The following TUSC3 variants were observed in gnomAD, a reference collection of about 807,000 sequenced individuals.
TUSC3 encodes the protein tumor suppressor candidate 3, also known as dolichyl-diphosphooligosaccharide--protein glycosyltransferase subunit TUSC3.
In TUSC3, 45 loss-of-function variants were observed where a neutral mutation model predicts 44.8. The observed-to-expected ratio is 1.00, with a 90% confidence interval of 0.79 to 1.29. The LOEUF is 1.29. Among genes scored for constraint, TUSC3 ranks in the 50% most tolerant of loss-of-function variants. The pLI, the probability that TUSC3 is intolerant of heterozygous loss-of-function variation, is 0.00. For missense variants in TUSC3, 519 were observed against 437.9 expected (o/e 1.19, Z -1.65); for synonymous variants, 212 against 152.9 (o/e 1.39, Z -2.85).
intron 1 of TUSC3, among the ~76,000 whole-genome samples, chr8:15,448,564 G>T (rs1800142973): frequency 6.6e-6 from 1 of 152,166 alleles, no homozygotes; most frequent in Admixed American, 6.5e-5. Flanking sequence ...GATGTAAAAA[G>T]TGTATGATGT....
At chr8:15,467,424 T>C (rs1193768067) in intron 1 of TUSC3, among the ~76,000 whole-genome samples, 3 of 152,178 alleles carry the variant, frequency 2.0e-5, no homozygotes, top group Admixed American at 2.0e-4. Context: ...ACAGAATCAA[T>C]TGCAGTAAAT....
At chr8:15,586,668 A>G (rs1400204949) in intron 1 of TUSC3, among the ~76,000 whole-genome samples, 1 of 152,186 alleles carries the variant, frequency 6.6e-6, no homozygotes, top group Non-Finnish European at 1.5e-5. Flanking sequence ...AATTTTCTCT[A>G]TGAAGTAGGA....
At chr8:15,658,893 G>C (rs919678548) in intron 3 of TUSC3, among the ~76,000 whole-genome samples, 28 of 152,190 alleles carry the variant, frequency 1.8e-4, no homozygotes, top group African/African-American at 6.5e-4. Context: ...ACACAGTTGA[G>C]TTAATAGAGC....
At chr8:15,423,969 G>GTTTTTTTTTTTTTTTTTTT (rs112397215) in intron 1 of TUSC3, among the ~76,000 whole-genome samples, 1 of 70,394 alleles carries the variant, frequency 1.4e-5, no homozygotes, top group Non-Finnish European at 3.1e-5. Context: ...GTTTTGCTTT[G>GTTTTTTTTTTTTTTTTTTT]TTTTTTTTTT....
chr8:15,470,872 T>G (rs576042237), intron 1 of TUSC3, among the ~76,000 whole-genome samples: 116 of 152,246 alleles, frequency 7.6e-4, no homozygotes, highest in African/African-American at 2.7e-3. Flanking sequence ...GACGGTGGCC[T>G]GGCCAGGGCT....
chr8:15,508,779 T>C (rs966250338), intron 2 of TUSC3, among the ~76,000 whole-genome samples: 27 of 152,028 alleles, frequency 1.8e-4, no homozygotes, highest in African/African-American at 5.5e-4. Context: ...CCTTTTTAAG[T>C]GGAATAGGAA....
chr8:15,736,918 T>A (rs2129211091), intron 7 of TUSC3, among the ~76,000 whole-genome samples: 2 of 152,220 alleles, frequency 1.3e-5, no homozygotes, highest in South Asian at 4.2e-4. Context: ...AACTATATAA[T>A]CTCTGACCTA....
chr8:15,693,040 A>G (rs1199919560), intron 6 of TUSC3, among the ~76,000 whole-genome samples: 2 of 152,176 alleles, frequency 1.3e-5, no homozygotes, highest in African/African-American at 2.4e-5. Flanking sequence ...CATTGAGCCT[A>G]TGGATGTCAC....
intron 10 of TUSC3, among the ~76,000 whole-genome samples, chr8:15,762,811 C>G (rs1222873161): frequency 1.3e-5 from 2 of 152,064 alleles, no homozygotes; most frequent in African/African-American, 2.4e-5. Context: ...GTACAGCTGG[C>G]ACATCTATCT....
intron 1 of TUSC3, among the ~76,000 whole-genome samples, chr8:15,556,348 G>C (rs1054217848): frequency 4.4e-4 from 66 of 150,454 alleles, no homozygotes; most frequent in African/African-American, 1.6e-3. Context: ...ATTTTTTATG[G>C]CTGCATAGTA....
chr8:15,716,003 C>A (rs1269105889), intron 6 of TUSC3, among the ~76,000 whole-genome samples: 1 of 152,024 alleles, frequency 6.6e-6, no homozygotes, highest in African/African-American at 2.4e-5. Context: ...CGCTTGTAAT[C>A]CCAGCACTTT....
chr8:15,477,902 C>G (rs565706896), intron 1 of TUSC3, among the ~76,000 whole-genome samples: 1 of 152,150 alleles, frequency 6.6e-6, no homozygotes, highest in South Asian at 2.1e-4. Flanking sequence ...CTCCATAACA[C>G]TACACAAACC....
chr8:15,597,931 T>C (rs1467749971), intron 1 of TUSC3, among the ~76,000 whole-genome samples: 1 of 152,064 alleles, frequency 6.6e-6, no homozygotes, highest in East Asian at 1.9e-4. Flanking sequence ...AAATGTTTAT[T>C]GATCAGCATT....
At chr8:15,624,937 TCTG>T (rs1162321103) in intron 2 of TUSC3, among the ~76,000 whole-genome samples, 1 of 152,218 alleles carries the variant, frequency 6.6e-6, no homozygotes, top group Non-Finnish European at 1.5e-5. Flanking sequence ...TACAGTTTGA[TCTG>T]CTCTTTGAAA....
At chr8:15,848,356 G>A in the TUSC3 span, among the ~76,000 whole-genome samples, 2 of 152,298 alleles carry the variant, frequency 1.3e-5, no homozygotes, top group African/African-American at 4.8e-5. Flanking sequence ...AGAGGAGCTG[G>A]TTGGAACAGG....
rs373923558 is a variant in TUSC3 at position 15,699,930 on chromosome 8, AT to A, written c.798+26100del. Among the ~76,000 whole-genome samples the A allele has an allele frequency of 1.6e-4, 25 of 152,294 alleles. No homozygotes were observed. The East Asian group carries it at 3.7e-3, about 22-fold the overall frequency. On this transcript the variant is annotated intron_variant, in intron 6 of 10. Transcript: ENST00000503731. ...CCTCTATATAATGTCTTGCTAGCCC[AT>A]TTTTTATAAACGGGACTTGAGTCAG...
chr8:15,728,182 A>G (rs1810576833), intron 6 of TUSC3, among the ~76,000 whole-genome samples: 2 of 152,198 alleles, frequency 1.3e-5, no homozygotes, highest in Non-Finnish European at 2.9e-5. Context: ...CTGAGAAAGC[A>G]TTGAAGGGTT....
At chr8:15,849,364 AC>A in the TUSC3 span, among the ~76,000 whole-genome samples, 1 of 152,186 alleles carries the variant, frequency 6.6e-6, no homozygotes, top group Non-Finnish European at 1.5e-5. Flanking sequence ...ACAGACACAA[AC>A]TTGATCACCC....
At chr8:15,609,644 T>G (rs1409798388) in intron 1 of TUSC3, among the ~76,000 whole-genome samples, 7 of 152,154 alleles carry the variant, frequency 4.6e-5, no homozygotes, top group Non-Finnish European at 8.8e-5. Context: ...ATTTTGAGTC[T>G]TCAGAGAAAG....
Sources: allele counts gnomAD v4.1 joint callset (sites outside exome capture counted in the v4.1 genomes callset), GRCh38; gene constraint gnomAD v4.1.1; transcripts MANE v1.5; gene names NCBI Gene and HGNC (gene_info 2026-07-23, HGNC 2026-07-21).